The following NALF1 variants were observed in gnomAD, a reference collection of about 807,000 sequenced individuals.
The protein encoded by NALF1 is family with sequence similarity 155 member A.
A neutral mutation model predicts 48.4 loss-of-function variants in NALF1; 3 were observed. The ratio of observed to expected loss-of-function variants is 0.06; its 90% confidence interval spans 0.03 to 0.16. The LOEUF (loss-of-function observed/expected upper bound fraction) is 0.16. Ranked by LOEUF, NALF1 falls within the 10% of genes least tolerant of loss-of-function variation. The probability of loss-of-function intolerance (pLI) is 1.00; values close to 1 mark genes in which losing one functional copy is unlikely to be tolerated. For synonymous variants in NALF1, 262 were observed against 245.7 expected, an observed-to-expected ratio of 1.07 and a Z score of -0.62; for missense variants, 526 against 571.5, an observed-to-expected ratio of 0.92 and a Z score of 0.81.
chr13:107,648,387 C>G (rs1036056579), intron 1 of NALF1, among the ~76,000 whole-genome samples: 1 of 152,162 alleles, frequency 6.6e-6, no homozygotes, highest in African/African-American at 2.4e-5. Flanking sequence ...TGTTTACTCT[C>G]TATACTGCTG....
intron 1 of NALF1, among the ~76,000 whole-genome samples, chr13:107,564,825 C>T (rs1435469533): frequency 6.6e-6 from 1 of 152,028 alleles, no homozygotes; most frequent in African/African-American, 2.4e-5. Context: ...AGCAGCAATA[C>T]AGTCTCTTCA....
intron 1 of NALF1, among the ~76,000 whole-genome samples, chr13:107,258,868 CAGAA>C (rs1880873493): frequency 6.6e-6 from 1 of 152,062 alleles, no homozygotes; most frequent in South Asian, 2.1e-4. Context: ...GGCACAGACA[CAGAA>C]AGAACTCTAA....
intron 1 of NALF1, among the ~76,000 whole-genome samples, chr13:107,262,769 G>GCGCTCTCT (rs36027059): frequency 0.069 from 10,002 of 144,010 alleles, 417 homozygotes; most frequent in Middle Eastern, 0.15. Flanking sequence ...ACCCACAGGC[G>GCGCTCTCT]CTCTCTCTCT....
At position 107,531,821 on chromosome 13, in the gene NALF1, C is replaced by A. The variant is rs75878062; in HGVS notation, c.916-321066G>T. ...CTTTTTTATGATGGTGTTAGATATGCCAAAGTTTTGTGTCATGTGAAGTAT... is the reference window on the plus strand; with the variant it reads ...CTTTTTTATGATGGTGTTAGATATGACAAAGTTTTGTGTCATGTGAAGTAT... On this transcript the variant is annotated intron_variant, in intron 1 of 2. Coordinates refer to ENST00000375915, the MANE Select transcript of NALF1 (RefSeq NM_001080396.3). Among the ~76,000 whole-genome samples the A allele has an allele frequency of 8.9e-3, 1,346 of 151,940 alleles. 22 individuals carry two copies. Among genetic ancestry groups the A allele is most frequent in the African/African-American group, 0.031 (1,282 of 41,422 alleles).
Position 107,677,123 on chromosome 13 carries a change from T to G in NALF1, c.915+188559A>C, listed in dbSNP as rs375488505. On this transcript the variant is annotated intron_variant, in intron 1 of 2. Coordinates refer to ENST00000375915, the MANE Select transcript of NALF1 (RefSeq NM_001080396.3). ...GTGCAGTGGTGCAATCTTGGCTTAC[T>G]GCTACCTCCGCCTCCCCAGTTCAAG... Among the ~76,000 whole-genome samples, 9 of 152,370 alleles carry G rather than the reference T, an allele frequency of 5.9e-5. No homozygotes were observed. The East Asian group carries it at 1.5e-3, about 26-fold the overall frequency.
At chr13:107,185,766 T>C (rs1879158157) in intron 2 of NALF1, among the ~76,000 whole-genome samples, 1 of 152,198 alleles carries the variant, frequency 6.6e-6, no homozygotes, top group South Asian at 2.1e-4. Flanking sequence ...ATATTTTGCC[T>C]AGGTATAGGA....
chr13:107,517,576 G>A (rs1013059005), intron 1 of NALF1, among the ~76,000 whole-genome samples: 1 of 152,072 alleles, frequency 6.6e-6, no homozygotes, highest in African/African-American at 2.4e-5. Flanking sequence ...AGGTTGCAAT[G>A]AGCCAAGATC....
intron 1 of NALF1, among the ~76,000 whole-genome samples, chr13:107,585,743 A>G (rs1210087503): frequency 6.6e-6 from 1 of 152,140 alleles, no homozygotes; most frequent in Non-Finnish European, 1.5e-5. Context: ...TAAATACCTC[A>G]GAACAACAAA....
At position 107,558,643 on chromosome 13, in the gene NALF1, G is replaced by C. The variant is rs77981775; in HGVS notation, c.915+307039C>G. ...AGGTGGTGGAAGACATCCGGTGGTA[G>C]TAAATTTTATGTGTCCATTTGACTG... On this transcript the variant is annotated intron_variant, in intron 1 of 2. Coordinates refer to ENST00000375915, the MANE Select transcript of NALF1 (RefSeq NM_001080396.3). Among the ~76,000 whole-genome samples, 192 of 152,292 alleles carry C rather than the reference G, an allele frequency of 1.3e-3. 1 individual carries two copies. Among genetic ancestry groups the C allele is most frequent in the South Asian group, 5.6e-3 (27 of 4,818 alleles).
At position 107,166,683 on chromosome 13, in the gene NALF1, T is replaced by C. The variant is rs886704039; in HGVS notation, c.*3814A>G. ...ATCCAATTGCTTATTTCATTTATGT[T>C]TTTTTCCCCCGGAAAAAAGTATGTA... On this transcript the variant is annotated 3_prime_UTR_variant, in exon 3 of 3. Transcript: ENST00000375915. 7 of 152,114 alleles carry C rather than the reference T, an allele frequency of 4.6e-5. No individual in the cohort carries two copies. The highest frequency in any genetic ancestry group is 1.7e-4 in the African/African-American group (7 of 41,402). 9.4% of individuals were successfully genotyped at this position (152,114 alleles called of 1,614,324 possible).
chr13:107,606,851 AATCT>A (rs1484105323), intron 1 of NALF1, among the ~76,000 whole-genome samples: 1 of 152,148 alleles, frequency 6.6e-6, no homozygotes, highest in Non-Finnish European at 1.5e-5. Context: ...TTGAAAACAA[AATCT>A]ATCTGTCCTG....
chr13:107,648,422 G>A (rs187169738), intron 1 of NALF1, among the ~76,000 whole-genome samples: 7 of 152,224 alleles, frequency 4.6e-5, no homozygotes, highest in Admixed American at 4.6e-4. Context: ...TCAGGTAGTT[G>A]TAATCATGCA....
At chr13:107,470,806 A>G (rs1885088420) in intron 1 of NALF1, among the ~76,000 whole-genome samples, 1 of 152,174 alleles carries the variant, frequency 6.6e-6, no homozygotes, top group Non-Finnish European at 1.5e-5. Context: ...ATAATATAAT[A>G]CACATATACA....
chr13:107,581,705 G>A (rs1878316382), intron 1 of NALF1, among the ~76,000 whole-genome samples: 1 of 152,146 alleles, frequency 6.6e-6, no homozygotes, highest in Admixed American at 6.6e-5. Context: ...CTTGAGCCCT[G>A]TACAGCTCAT....
At chr13:107,451,179 G>A (rs111812593) in intron 1 of NALF1, among the ~76,000 whole-genome samples, 1,883 of 152,184 alleles carry the variant, frequency 0.012, 21 homozygotes, top group South Asian at 0.037. Context: ...ATCTGCCAGC[G>A]CGGCCACAAG....
intron 1 of NALF1, among the ~76,000 whole-genome samples, chr13:107,291,614 A>G (rs1881622698): frequency 6.6e-6 from 1 of 152,188 alleles, no homozygotes; most frequent in South Asian, 2.1e-4. Context: ...TTCTTGTTCC[A>G]GATACTTTGG....
chr13:107,626,047 T>G (rs988067927), intron 1 of NALF1, among the ~76,000 whole-genome samples: 107 of 152,214 alleles, frequency 7.0e-4, no homozygotes, highest in Middle Eastern at 6.8e-3. Flanking sequence ...CTTTTTAACT[T>G]GTTAATCTTA....
intron 1 of NALF1, among the ~76,000 whole-genome samples, chr13:107,460,963 G>C (rs1304645548): frequency 6.6e-6 from 1 of 152,094 alleles, no homozygotes; most frequent in Non-Finnish European, 1.5e-5. Context: ...AAATCCATTT[G>C]TACATGAGGA....
At chr13:107,698,094 G>C (rs1252188466) in intron 1 of NALF1, among the ~76,000 whole-genome samples, 2 of 151,970 alleles carry the variant, frequency 1.3e-5, no homozygotes, top group Non-Finnish European at 2.9e-5. Flanking sequence ...ATGACTATTG[G>C]TAAAGACCAT....
Sources: allele counts gnomAD v4.1 joint callset (sites outside exome capture counted in the v4.1 genomes callset), GRCh38; gene constraint gnomAD v4.1.1; transcripts MANE v1.5; gene names NCBI Gene and HGNC (gene_info 2026-07-23, HGNC 2026-07-21).